The following DENND4B variants were observed in gnomAD, a reference collection of about 807,000 sequenced individuals.
DENND4B encodes the protein DENN domain containing 4B, also known as DENN domain-containing protein 4B.
In DENND4B, 67 loss-of-function variants were observed where a neutral mutation model predicts 161.0. That is an observed-to-expected ratio of 0.42 (90% CI 0.34 to 0.51). The LOEUF is 0.51. DENND4B is among the 20% of genes least tolerant of loss of function. The pLI is 0.08. For missense variants in DENND4B, 1,481 were observed against 1,968.0 expected (o/e 0.75, Z 4.68); for synonymous variants, 753 against 813.8 (o/e 0.93, Z 1.27).
Position 153,942,352 on chromosome 1 carries a change from C to G in DENND4B, c.645G>C (p.Leu215=), listed in dbSNP as rs746399070. 1 of 1,610,320 alleles carries G rather than the reference C, an allele frequency of 6.2e-7. No individual in the cohort carries two copies. Among genetic ancestry groups the G allele is most frequent in the South Asian group, 1.1e-5 (1 of 90,670 alleles). ...TGTCCTCCTCCGGGTAGCGGCCCAG[C>G]AGCTCTGCACCCCCAGCATAGTTGG... ...KANTLVYEAE[L]LGRYPEEDNE... is the part of the protein sequence containing the mutation. The change falls in exon 5 of 28, where the codon CTG becomes CTC. Residue 215 remains leucine, a synonymous_variant. Transcript: ENST00000361217. The surrounding 1 kb of genome is among the most constrained non-coding windows in gnomAD (Gnocchi z 6.9).
chr1:153,935,897 G>A (rs1360890802), intron 17 of DENND4B, 163 bp downstream of exon 17: 7 of 819,248 alleles, frequency 8.5e-6, no homozygotes, highest in African/African-American at 1.7e-5. Flanking sequence ...CTGAGAAACT[G>A]TAGGTGCTAA....
Position 153,942,122 on chromosome 1 carries a change from G to A in DENND4B, c.811-9C>T. On this transcript the variant is annotated splice_polypyrimidine_tract_variant and intron_variant, in intron 5 of 27. Coordinates refer to ENST00000361217, the MANE Select transcript of DENND4B (RefSeq NM_014856.3). The surrounding 1 kb of genome is among the most constrained non-coding windows in gnomAD (Gnocchi z 6.9). ...AGGGCGGCACCATACACCTGGCAGG[G>A]GGCAGAAGGGTAGTCAGGCAGGCCC... The A allele has an allele frequency of 6.2e-7, 1 of 1,613,798 alleles. No homozygotes were observed. Among genetic ancestry groups the A allele is most frequent in the East Asian group, 2.2e-5 (1 of 44,868 alleles).
chr1:153,932,856 G>A lies in DENND4B; in HGVS notation c.3623+5C>T, dbSNP rs1679048782. ...CACCCACAGCACTTGCCCTGCCTTG[G>A]GCACCTGGGCCGGGAATCAAGGGTC... On this transcript the variant is annotated splice_donor_5th_base_variant and intron_variant, in intron 22 of 27. Coordinates refer to ENST00000361217, the MANE Select transcript of DENND4B (RefSeq NM_014856.3). This position sits in a 1 kb window ranked among gnomAD's most constrained non-coding sequence, Gnocchi z 5.8. 5.0e-6 allele frequency: 8 copies of A among 1,613,960 alleles called. No homozygotes were observed. In the African/African-American group the frequency reaches 9.3e-5, roughly 19 times the overall value.
Position 153,933,995 on chromosome 1 carries a change from T to C in DENND4B, c.2942-124A>G. On this transcript the variant is annotated intron_variant, in intron 19 of 27. Transcript: ENST00000361217. This position sits in a 1 kb window ranked among gnomAD's most constrained non-coding sequence, Gnocchi z 5.7. ...GCCACCACCCCCACCATGATGATAT[T>C]CTGGGCGAGATTCCCTCAGAATCTA... The C allele has an allele frequency of 6.7e-7, 1 of 1,493,856 alleles. No individual in the cohort carries two copies. The highest frequency in any genetic ancestry group is 1.3e-5 in the South Asian group (1 of 76,080). The allele number at this position is 1,493,856 out of a possible 1,614,324, so 92.5% of individuals were successfully genotyped here. A position where few individuals can be genotyped will look rare whatever the true frequency, so the allele number is the denominator to read the frequency against.
rs1377122342 is a variant in DENND4B at position 153,940,772 on chromosome 1, T to G, written c.1326+132A>C. On this transcript the variant is annotated intron_variant, in intron 9 of 27. Transcript: ENST00000361217. The surrounding 1 kb of genome is among the most constrained non-coding windows in gnomAD (Gnocchi z 5.6). Reference sequence around the variant, plus strand: ...GCTCCTGATGGAAGCTATGTGTTCCTGCAGGCTGTGCCCAGGGAAAGGGGC... The same window carrying G: ...GCTCCTGATGGAAGCTATGTGTTCCGGCAGGCTGTGCCCAGGGAAAGGGGC... The G allele has an allele frequency of 6.9e-7, 1 of 1,444,970 alleles. No homozygotes were observed. Among genetic ancestry groups the G allele is most frequent in the East Asian group, 2.5e-5 (1 of 40,774 alleles). The allele number at this position is 1,444,970 out of a possible 1,614,324, so 89.5% of individuals were successfully genotyped here.
In DENND4B at chr1:153,937,405, C is replaced by T; in HGVS notation, c.2232+83G>A. ...TCATGGGTTAAGTATTATTGTTATA[C>T]CCATTTTGTAGATGAGGAAACTGAA... is the stretch of plus-strand genomic sequence containing the variant. On this transcript the variant is annotated intron_variant, in intron 15 of 27. Transcript: ENST00000361217. This position sits in a 1 kb window ranked among gnomAD's most constrained non-coding sequence, Gnocchi z 4.7. 1 of 1,449,964 alleles carries T rather than the reference C, an allele frequency of 6.9e-7. No homozygotes were observed. Among genetic ancestry groups the T allele is most frequent in the Non-Finnish European group, 9.1e-7 (1 of 1,098,806 alleles). The allele number at this position is 1,449,964 out of a possible 1,614,324, so 89.8% of individuals were successfully genotyped here. A position where few individuals can be genotyped will look rare whatever the true frequency, so the allele number is the denominator to read the frequency against.
In DENND4B at chr1:153,934,176, G is replaced by A. The variant is rs1365458277; in HGVS notation, c.2900C>T (p.Ala967Val). 1 of 1,594,072 alleles carries A rather than the reference G, an allele frequency of 6.3e-7. No homozygotes were observed. The highest frequency in any genetic ancestry group is 1.1e-5 in the South Asian group (1 of 88,032). Reference protein sequence around the residue: ...RLVKSGSLGSARGAQPTVEAG... With the variant: ...RLVKSGSLGSVRGAQPTVEAG... ...CTCCACAGTGGGCTGTGCCCCTCGG[G>A]CACTGCCCAGGCTACCACTCTTCAC... The change falls in exon 19 of 28, where the codon GCC becomes GTC. Residue 967 changes from alanine to valine, a missense_variant. By Grantham distance (64) the Ala-to-Val change is moderately conservative (BLOSUM62 0). Transcript: ENST00000361217. The surrounding 1 kb of genome is among the most constrained non-coding windows in gnomAD (Gnocchi z 5.3).
At position 153,941,477 on chromosome 1, in the gene DENND4B, C is replaced by T. The variant is rs372799507; in HGVS notation, c.1056-37G>A. ...AGAAACAGGTCAGAGCATACTCCCC[C>T]GTCCATCCCTGTCCTCCCTCCACAT... On this transcript the variant is annotated intron_variant, in intron 6 of 27. Transcript: ENST00000361217. The T allele has an allele frequency of 2.4e-4, 375 of 1,583,082 alleles. 1 individual carries two copies. Among genetic ancestry groups the T allele is most frequent in the Non-Finnish European group, 2.4e-4 (285 of 1,163,696 alleles).
At position 153,933,003 on chromosome 1, in the gene DENND4B, G is replaced by T. The variant is rs367833186; in HGVS notation, c.3481C>A (p.Arg1161Ser). Residue 1161 changes from arginine to serine, a missense_variant, in exon 22 of 28, where the codon CGT becomes AGT. By Grantham distance (110) the Arg-to-Ser change is moderately radical. Transcript: ENST00000361217. This position sits in a 1 kb window ranked among gnomAD's most constrained non-coding sequence, Gnocchi z 5.7. ...EILLSSCSLC[R>S]ACDSLVYDEE... ...TCATACACCAGCGAATCACAGGCAC[G>T]GCACAGGGAGCAGCTGGACAGCAGA... 1 of 1,613,810 alleles carries T rather than the reference G, an allele frequency of 6.2e-7. No individual in the cohort carries two copies. Among genetic ancestry groups the T allele is most frequent in the African/African-American group, 1.3e-5 (1 of 74,906 alleles).
rs1300982765 is a variant in DENND4B at position 153,937,122 on chromosome 1, C to T, written c.2232+366G>A. On this transcript the variant is annotated intron_variant, in intron 15 of 27. Transcript: ENST00000361217. The surrounding 1 kb of genome is among the most constrained non-coding windows in gnomAD (Gnocchi z 4.7). ...AAAGTGGTGTGGGAAGAAGTAGCAC[C>T]TTCTCTGAGGAAGGGTCTGTGCTCT... 6.6e-6 allele frequency among the ~76,000 whole-genome samples: 1 copy of T among 152,198 alleles called. No homozygotes were observed. Among genetic ancestry groups the T allele is most frequent in the African/African-American group, 2.4e-5 (1 of 41,454 alleles).
At chr1:153,945,196 G>A in intron 1 of DENND4B, 1 of 1,287,976 alleles carries the variant, frequency 7.8e-7, no homozygotes, top group Non-Finnish European at 1.0e-6. Flanking sequence ...GCCCCAGGGT[G>A]CAGAAGCTGG....
chr1:153,935,547 A>T (rs964801241), intron 17 of DENND4B, among the ~76,000 whole-genome samples: 1 of 152,154 alleles, frequency 6.6e-6, no homozygotes, highest in Non-Finnish European at 1.5e-5. Flanking sequence ...GGGTTTCACC[A>T]TGTTGGCCAG....
chr1:153,933,925 C>T lies in DENND4B; in HGVS notation c.2942-54G>A. On this transcript the variant is annotated intron_variant, in intron 19 of 27. Coordinates refer to ENST00000361217, the MANE Select transcript of DENND4B (RefSeq NM_014856.3). The surrounding 1 kb of genome is among the most constrained non-coding windows in gnomAD (Gnocchi z 5.7). Reference sequence around the variant, plus strand: ...TGGACCCCAGCCTCTGCACCAACTTCCCCTTTCCTGAATAAACACAATTCC... The same window carrying T: ...TGGACCCCAGCCTCTGCACCAACTTTCCCTTTCCTGAATAAACACAATTCC... 6.3e-7 allele frequency: 1 copy of T among 1,580,050 alleles called. No homozygotes were observed. Among genetic ancestry groups the T allele is most frequent in the South Asian group, 1.2e-5 (1 of 85,326 alleles).
rs555442129 is a variant in DENND4B at position 153,938,428 on chromosome 1, C to T, written c.1965+472G>A. 5.0e-5 allele frequency among the ~76,000 whole-genome samples: 7 copies of T among 141,260 alleles called. No homozygotes were observed. The South Asian group carries it at 9.1e-4, about 18-fold the overall frequency. The allele number at this position is 141,260 out of a possible 152,430, so 92.7% of individuals were successfully genotyped here. A position where few individuals can be genotyped will look rare whatever the true frequency, so the allele number is the denominator to read the frequency against. On this transcript the variant is annotated intron_variant, in intron 13 of 27. Transcript: ENST00000361217. ...TCTCAAAAAAAAAAAAAAAGCCAGG[C>T]GCGGTGGCTAACGCTTGTAATCCCA...
chr1:153,931,263 G>T (rs1678908269), intron 24 of DENND4B, among the ~76,000 whole-genome samples, 199 bp from the exon 25 acceptor site: 1 of 152,186 alleles, frequency 6.6e-6, no homozygotes, highest in Admixed American at 6.5e-5. Context: ...CATACCTAGT[G>T]CCTAAAACCG....
In DENND4B at chr1:153,934,928, C is replaced by G. The variant is rs377285411; in HGVS notation, c.2605G>C (p.Gly869Arg). 5 of 1,613,058 alleles carry G rather than the reference C, an allele frequency of 3.1e-6. No individual in the cohort carries two copies. The African/African-American group carries it at 6.7e-5, about 22-fold the overall frequency. The change falls in exon 18 of 28, where the codon GGT becomes CGT. Residue 869 changes from glycine to arginine, a missense_variant. This residue lies in a region of DENND4B where 339 missense variants were observed against 330.3 expected (regional missense o/e 1.03). Coordinates refer to ENST00000361217, the MANE Select transcript of DENND4B (RefSeq NM_014856.3). The surrounding 1 kb of genome is among the most constrained non-coding windows in gnomAD (Gnocchi z 5.3). Reference protein sequence around the residue: ...LESKWPSGTPGGRLRWAKLRN... With the variant: ...LESKWPSGTPRGRLRWAKLRN... ...AGCTTGGCCCAGCGCAGACGCCCAC[C>G]TGGTGTGCCAGACGGCCACTTGCTT...
At position 153,936,196 on chromosome 1, in the gene DENND4B, A is replaced by C. The variant is rs745790808; in HGVS notation, c.2440-8T>G. 5 of 1,601,030 alleles carry C rather than the reference A, an allele frequency of 3.1e-6. No individual in the cohort carries two copies. The highest frequency in any genetic ancestry group is 3.4e-6 in the Non-Finnish European group (4 of 1,173,950). On this transcript the variant is annotated splice_region_variant and splice_polypyrimidine_tract_variant and intron_variant, in intron 16 of 27. Coordinates refer to ENST00000361217, the MANE Select transcript of DENND4B (RefSeq NM_014856.3). The surrounding 1 kb of genome is among the most constrained non-coding windows in gnomAD (Gnocchi z 4.1). Reference sequence around the variant, plus strand: ...CAGTACCCGGTAACACACCTGGGCCAGGAGAGGCACAGGACAATGGGAGAC... The same window carrying C: ...CAGTACCCGGTAACACACCTGGGCCCGGAGAGGCACAGGACAATGGGAGAC...
rs1679352400 is a variant in DENND4B, at chr1:153,936,614, T to G, written c.2367A>C (p.Arg789=). Residue 789 remains arginine, a synonymous_variant, in exon 16 of 28, where the codon CGA becomes CGC. Coordinates refer to ENST00000361217, the MANE Select transcript of DENND4B (RefSeq NM_014856.3). The surrounding 1 kb of genome is among the most constrained non-coding windows in gnomAD (Gnocchi z 4.1). ...LPAYVRSAPS[R]VQALHTAYHV... Reference sequence around the variant, plus strand: ...GGTAGGCTGTGTGCAGTGCCTGCACTCGGGAGGGTGCCGACCGCACATAGG... The same window carrying G: ...GGTAGGCTGTGTGCAGTGCCTGCACGCGGGAGGGTGCCGACCGCACATAGG... 1.2e-6 allele frequency: 2 copies of G among 1,612,850 alleles called. No homozygotes were observed. Among genetic ancestry groups the G allele is most frequent in the Admixed American group, 1.7e-5 (1 of 59,874 alleles).
In DENND4B at chr1:153,933,766, C is replaced by T; in HGVS notation, c.3047G>A (p.Gly1016Asp). The change falls in exon 20 of 28, where the codon GGC becomes GAC. Residue 1016 changes from glycine to aspartate, a missense_variant. Gly to Asp is a moderately conservative substitution (Grantham distance 94, BLOSUM62 -1). Around this residue, in one of 3 missense-constraint regions of DENND4B, gnomAD observed 339 missense variants for 330.3 expected, o/e 1.03. Coordinates refer to ENST00000361217, the MANE Select transcript of DENND4B (RefSeq NM_014856.3). This position sits in a 1 kb window ranked among gnomAD's most constrained non-coding sequence, Gnocchi z 5.7. The stretch of plus-strand genomic sequence containing the variant: ...GGCTGAGCCTGAGCCCCCTGGGCTG[C>T]CTCCAGGGAGCGGCTCCTCCCCTGT... ...SLTGEEPLPG[G>D]SPGGSGSALS... 5 of 1,608,608 alleles carry T rather than the reference C, an allele frequency of 3.1e-6. No homozygotes were observed. Among genetic ancestry groups the T allele is most frequent in the Middle Eastern group, 1.7e-4 (1 of 6,046 alleles).
Sources: gnomAD v4.1 joint callset for allele counts (sites outside exome capture counted in the v4.1 genomes callset) on GRCh38, gnomAD v4.1.1 for gene constraint, gnomAD v4.1.1 regional missense constraint, Gnocchi (gnomAD v3.1) non-coding constraint, MANE v1.5 for transcripts, NCBI Gene and HGNC (gene_info 2026-07-23, HGNC 2026-07-21) for gene names.